The following FAM20C variants were observed in gnomAD, a reference collection of about 807,000 sequenced individuals.
FAM20C encodes the protein extracellular serine/threonine protein kinase FAM20C.
Under a neutral mutation model 51.5 loss-of-function variants are expected in FAM20C, and 40 were observed. The ratio of observed to expected loss-of-function variants is 0.78; its 90% CI spans 0.60 to 1.01. The LOEUF (loss-of-function observed/expected upper bound fraction) is 1.01. Ranked by LOEUF, FAM20C falls within the 50% of genes least tolerant of loss-of-function variation. The pLI is 0.00. For missense variants in FAM20C, 861 were observed against 844.7 expected (o/e 1.02, Z -0.24); for synonymous variants, 406 against 380.6 (o/e 1.07, Z -0.78).
intron 3 of FAM20C, among the ~76,000 whole-genome samples, chr7:217,198 C>T (rs1275178037): frequency 6.6e-6 from 1 of 152,136 alleles, no homozygotes; most frequent in Non-Finnish European, 1.5e-5. Flanking sequence ...CCCCCCGAGG[C>T]CTGTGGGGGA....
intron 3 of FAM20C, among the ~76,000 whole-genome samples, chr7:214,240 G>A (rs543875568): frequency 2.0e-5 from 3 of 152,078 alleles, no homozygotes; most frequent in African/African-American, 4.8e-5. Context: ...CAGGAGAATC[G>A]CTTGAACCCG....
Position 193,356 on chromosome 7 carries a change from G to A in FAM20C, c.157G>A (p.Ala53Thr). ...CGGCTGTTCGTGCGCGCAGCCCGCC[G>A]CCGAGGTGGCCGCGCCCGGCTGGGC... is the stretch of plus-strand genomic sequence containing the variant. ...EPGCSCAQPA[A>T]EVAAPGWAQV... Residue 53 changes from alanine (A) to threonine (T), a missense_variant, in exon 1 of 10, where the codon GCC becomes ACC. Physicochemically the swap from Ala to Thr is moderately conservative, Grantham distance 58 (BLOSUM62 0). Coordinates refer to ENST00000313766, the MANE Select transcript of FAM20C (RefSeq NM_020223.4). 1.6e-6 allele frequency: 2 copies of A among 1,262,338 alleles called. No homozygotes were observed. The highest frequency in any genetic ancestry group is 2.6e-5 in the South Asian group (1 of 38,576). The allele number at this position is 1,262,338 out of a possible 1,614,324, so 78.2% of individuals were successfully genotyped here. A position where few individuals can be genotyped will look rare whatever the true frequency, so the allele number is the denominator to read the frequency against.
intron 2 of FAM20C, among the ~76,000 whole-genome samples, chr7:208,001 G>A (rs373467942): frequency 1.1e-4 from 16 of 152,346 alleles, no homozygotes; most frequent in African/African-American, 2.2e-4. Context: ...GAGTCCTTGC[G>A]GAGCGGCGGG....
In FAM20C at chr7:192,669, C is replaced by T. The variant is rs1198466050; in HGVS notation, c.-531C>T. 4.3e-4 allele frequency among the ~76,000 whole-genome samples: 64 copies of T among 147,380 alleles called. No homozygotes were observed. Among genetic ancestry groups the T allele is most frequent in the African/African-American group, 1.6e-3 (62 of 39,308 alleles). On this transcript the variant is annotated 5_prime_UTR_variant, in exon 1 of 10. Transcript: ENST00000313766. ...CGCGCCCACCCCTTCCGCCCTTCGCCCCCCCCTTCCCCCCAGCCCCGGTCT... is the reference window on the plus strand; with the variant it reads ...CGCGCCCACCCCTTCCGCCCTTCGCTCCCCCCTTCCCCCCAGCCCCGGTCT...
intron 3 of FAM20C, among the ~76,000 whole-genome samples, chr7:223,416 G>A (rs565380234): frequency 1.4e-4 from 21 of 152,204 alleles, no homozygotes; most frequent in African/African-American, 3.1e-4. Flanking sequence ...AGAGCCTGCC[G>A]GGGTAGAGGC....
intron 1 of FAM20C, among the ~76,000 whole-genome samples, chr7:194,777 C>G (rs569717978): frequency 8.0e-5 from 9 of 113,144 alleles, no homozygotes; most frequent in East Asian, 2.2e-4. Context: ...TCCTAGCCCC[C>G]CACCCCGCCC....
At chr7:217,307 C>A (rs1309128359) in intron 3 of FAM20C, among the ~76,000 whole-genome samples, 1 of 21,498 alleles carries the variant, frequency 4.7e-5, no homozygotes, top group Non-Finnish European at 9.8e-5. Flanking sequence ...TTGCCCAGGC[C>A]CCTCCTGGGG....
At position 258,657 on chromosome 7, in the gene FAM20C, A is replaced by C; in HGVS notation, c.1457A>C (p.Tyr486Ser). ...HLDNGRGFGK[Y>S]SHDELSILVP... is the part of the protein sequence containing the mutation. ...TTTTCTTCTGGAAGGTTTGGGAAGT[A>C]TTCGCACGACGAGCTCTCCATCCTG... Residue 486 changes from tyrosine to serine, a missense_variant, in exon 9 of 10, where the codon TAT (tyrosine) becomes TCT (serine). Coordinates refer to ENST00000313766, the MANE Select transcript of FAM20C (RefSeq NM_020223.4). 6.5e-7 allele frequency: 1 copy of C among 1,536,766 alleles called. No individual in the cohort carries two copies. Among genetic ancestry groups the C allele is most frequent in the Non-Finnish European group, 8.7e-7 (1 of 1,146,572 alleles).
At chr7:197,251 C>T (rs987652344) in intron 2 of FAM20C, 2 of 167,038 alleles carry the variant, frequency 1.2e-5, no homozygotes, top group Non-Finnish European at 2.9e-5. Flanking sequence ...GGAAGAGACA[C>T]ACACGCACAG....
At chr7:252,959 G>T (rs2115164211) in intron 5 of FAM20C, among the ~76,000 whole-genome samples, 1 of 152,374 alleles carries the variant, frequency 6.6e-6, no homozygotes, top group African/African-American at 2.4e-5. Context: ...TGCAAGGTGA[G>T]CGCCCCCAGG....
chr7:244,073 C>A (rs1032596942), intron 3 of FAM20C, among the ~76,000 whole-genome samples: 2 of 151,936 alleles, frequency 1.3e-5, no homozygotes, highest in African/African-American at 4.8e-5. Context: ...TAGCTGGGAT[C>A]ACAGGTGTGT....
chr7:253,293 C>T (rs899191937), intron 5 of FAM20C, among the ~76,000 whole-genome samples: 1 of 152,196 alleles, frequency 6.6e-6, no homozygotes, highest in African/African-American at 2.4e-5. Context: ...CCTGCTGGGT[C>T]AGCCCCGACA....
At chr7:231,847 C>CTA (rs1365808598) in intron 3 of FAM20C, among the ~76,000 whole-genome samples, 2 of 152,128 alleles carry the variant, frequency 1.3e-5, no homozygotes, top group Non-Finnish European at 2.9e-5. Context: ...GTGTTTGACC[C>CTA]ACCCCTCTTT....
At chr7:259,651 C>T in intron 9 of FAM20C, 80 bp from the exon 10 acceptor site, 2 of 1,324,564 alleles carry the variant, frequency 1.5e-6, no homozygotes, top group Admixed American at 5.6e-5. Context: ...CTCTCGATCT[C>T]CCTCTCACTT....
chr7:208,303 G>A (rs956850661), intron 2 of FAM20C, among the ~76,000 whole-genome samples: 11 of 142,616 alleles, frequency 7.7e-5, no homozygotes, highest in Non-Finnish European at 1.2e-4. Context: ...CCGTCCCGTC[G>A]AGATTAGGCC....
At chr7:232,881 T>C (rs1787742065) in intron 3 of FAM20C, among the ~76,000 whole-genome samples, 1 of 152,240 alleles carries the variant, frequency 6.6e-6, no homozygotes, top group Non-Finnish European at 1.5e-5. Flanking sequence ...ACGAATCCTC[T>C]TGGAGCCAGG....
At chr7:250,440 C>G (rs922783060) in intron 5 of FAM20C, among the ~76,000 whole-genome samples, 1 of 152,184 alleles carries the variant, frequency 6.6e-6, no homozygotes, top group Non-Finnish European at 1.5e-5. Flanking sequence ...GGGGCAGAGG[C>G]AGAACCTGAG....
rs149154661 is a variant in FAM20C at position 214,981 on chromosome 7, G to T, written c.863+6005G>T. 3.7e-3 allele frequency among the ~76,000 whole-genome samples: 565 copies of T among 152,214 alleles called. 3 individuals carry two copies. Among genetic ancestry groups the T allele is most frequent in the Non-Finnish European group, 5.8e-3 (395 of 68,026 alleles). On this transcript the variant is annotated intron_variant, in intron 3 of 9. Transcript: ENST00000313766. Reference sequence around the variant, plus strand: ...AACACAGATGTGACTCAGACTCGAAGCCTGAAGGTGGTCTGACCTCTGGAC... The same window carrying T: ...AACACAGATGTGACTCAGACTCGAATCCTGAAGGTGGTCTGACCTCTGGAC...
chr7:222,709 G>A (rs1310582109), intron 3 of FAM20C, among the ~76,000 whole-genome samples: 1 of 152,228 alleles, frequency 6.6e-6, no homozygotes, highest in African/African-American at 2.4e-5. Flanking sequence ...ACCGTGGCAG[G>A]CAGAGTGCCT....
Sources: gnomAD v4.1 joint callset for allele counts (sites outside exome capture counted in the v4.1 genomes callset) on GRCh38, gnomAD v4.1.1 for gene constraint, MANE v1.5 for transcripts, NCBI Gene and HGNC (gene_info 2026-07-23, HGNC 2026-07-21) for gene names.